The following CDKL5 variants were observed in gnomAD, a reference collection of about 807,000 sequenced individuals.
The protein encoded by CDKL5 is cyclin-dependent kinase-like 5.
A neutral mutation model predicts 61.7 loss-of-function variants in CDKL5; 8 were observed. The observed-to-expected ratio is 0.13, with a 90% CI of 0.08 to 0.23. CDKL5 has a LOEUF of 0.23. CDKL5 is among the 10% of genes least tolerant of loss of function. The pLI is 1.00. For synonymous variants in CDKL5, 275 were observed against 272.3 expected (o/e 1.01, Z -0.10); for missense variants, 440 against 734.5 (o/e 0.60, Z 4.63).
chrX:18,653,037 T>A (rs1236949923), intron 21 of CDKL5, among the ~76,000 whole-genome samples: 2 of 112,410 alleles, frequency 1.8e-5, no homozygotes, highest in East Asian at 5.6e-4. Context: ...TGAATAGTGT[T>A]ATGCATAGAT....
rs570887192 is a variant in CDKL5, at chrX:18,650,521, G to A, written c.2909G>A (p.Arg970Gln). ...GCTCCCTATCCAGTACTCCAGGTCCGAGGCACTTCCATGTGCCCGACACTC... is the reference window on the plus strand; with the variant it reads ...GCTCCCTATCCAGTACTCCAGGTCCAAGGCACTTCCATGTGCCCGACACTC... Residue 970 changes from arginine (R) to glutamine (Q), a missense_variant, in exon 21 of 22, where the codon CGA becomes CAA. Physicochemically the swap from Arg to Gln is conservative, Grantham distance 43. Transcript: ENST00000379989. 46 of 1,210,480 alleles carry A rather than the reference G, an allele frequency of 3.8e-5. No individual in the cohort carries two copies. The highest frequency in any genetic ancestry group is 2.4e-4 in the African/African-American group (14 of 57,391).
At chrX:18,446,357 AAAAAAAC>A (rs1203495567) in intron 1 of CDKL5, among the ~76,000 whole-genome samples, 1 of 107,664 alleles carries the variant, frequency 9.3e-6, no homozygotes, top group African/African-American at 3.5e-5. Flanking sequence ...GTCTCAGAAA[AAAAAAAC>A]AAAAAAACAA....
intron 8 of CDKL5, among the ~76,000 whole-genome samples, chrX:18,585,402 CAAA>C (rs897083034): frequency 2.7e-5 from 3 of 110,408 alleles, no homozygotes; most frequent in African/African-American, 9.9e-5. Context: ...CACACACACA[CAAA>C]AAAACCCCAA....
intron 1 of CDKL5, among the ~76,000 whole-genome samples, chrX:18,481,906 G>A (rs1002559828): frequency 1.2e-4 from 13 of 110,402 alleles, no homozygotes; most frequent in Admixed American, 2.0e-4. Flanking sequence ...GCGAGGGGTG[G>A]CAGGGGATGT....
rs1927377553 is a variant in CDKL5 at position 18,636,106 on chromosome X, A to C, written c.*7349A>C. ...ATAACTTATAGATGAAATATTCCCC[A>C]GTTTTCTTTCTCTTTCTAAACAAAG... is the stretch of plus-strand genomic sequence containing the variant. On this transcript the variant is annotated 3_prime_UTR_variant, in exon 18 of 18. Coordinates refer to ENST00000623535, the MANE Select transcript of CDKL5 (RefSeq NM_001323289.2). The C allele has an allele frequency of 9.0e-6, 1 of 110,774 alleles. No individual in the cohort carries two copies. Among genetic ancestry groups the C allele is most frequent in the Admixed American group, 9.6e-5 (1 of 10,396 alleles). 9.1% of individuals were successfully genotyped at this position (110,774 alleles called of 1,213,427 possible).
chrX:18,457,442 G>C (rs1460096101), intron 1 of CDKL5: 1 of 111,256 alleles, frequency 9.0e-6, no homozygotes, highest in Non-Finnish European at 1.9e-5. Context: ...TCTGTGCGGA[G>C]CTCTATTGTA....
In CDKL5 at chrX:18,636,346, T is replaced by TTATTAG. The variant is rs1927386326; in HGVS notation, c.*7594_*7595insGTATTA. The TTATTAG allele has an allele frequency of 1.1e-5, 1 of 91,427 alleles. No homozygotes were observed. Among genetic ancestry groups the TTATTAG allele is most frequent in the African/African-American group, 4.9e-5 (1 of 20,408 alleles). 7.5% of individuals were successfully genotyped at this position (91,427 alleles called of 1,213,427 possible). A position where few individuals can be genotyped will look rare whatever the true frequency, so the allele number is the denominator to read the frequency against. ...GCCCAAGTGTTTTGCTTTATTATTA[T>TTATTAG]TATTATTATTATTATTATTATTATT... is the stretch of plus-strand genomic sequence containing the variant. On this transcript the variant is annotated 3_prime_UTR_variant, in exon 18 of 18. Transcript: ENST00000623535.
chrX:18,612,664 AAAAAG>A (rs1334436863), intron 14 of CDKL5, among the ~76,000 whole-genome samples: 2 of 107,969 alleles, frequency 1.9e-5, no homozygotes. Context: ...AAAAAAAAAA[AAAAAG>A]AGAGAGAGAA....
chrX:18,628,444 C>T lies in CDKL5; in HGVS notation c.2570C>T (p.Pro857Leu), dbSNP rs1403947122. The change falls in exon 18 of 18, where the codon CCC (proline) becomes CTC (leucine). Residue 857 changes from proline to leucine, a missense_variant. Transcript: ENST00000623535. ...SASNHPASSD[P>L]RFQPLTAQQT... The stretch of plus-strand genomic sequence containing the variant: ...TCAAATCACCCGGCTTCCTCAGATC[C>T]CCGCTTCCAGCCCTTAACAGCTCAA... The T allele has an allele frequency of 4.1e-6, 5 of 1,211,816 alleles. No individual in the cohort carries two copies. The South Asian group carries it at 8.8e-5, about 21-fold the overall frequency.
At chrX:18,577,986 A>G (rs1256776932) in intron 5 of CDKL5, among the ~76,000 whole-genome samples, 1 of 112,479 alleles carries the variant, frequency 8.9e-6, no homozygotes, top group Non-Finnish European at 1.9e-5. Context: ...TTACCACGCT[A>G]TAAAGGTAGG....
In CDKL5 at chrX:18,609,580, C is replaced by T. The variant is rs763466606; in HGVS notation, c.2152+10C>T. 8.3e-7 allele frequency: 1 copy of T among 1,208,197 alleles called. No homozygotes were observed. The highest frequency in any genetic ancestry group is 1.1e-6 in the Non-Finnish European group (1 of 894,849). ...GGTAGCTTTTACAGAGGTAAGCCCACCCCCGGCATTCAACAGGTTCCCCTC... is the reference window on the plus strand; with the variant it reads ...GGTAGCTTTTACAGAGGTAAGCCCATCCCCGGCATTCAACAGGTTCCCCTC... On this transcript the variant is annotated intron_variant, in intron 14 of 17. Coordinates refer to ENST00000623535, the MANE Select transcript of CDKL5 (RefSeq NM_001323289.2).
At chrX:18,480,889 G>A (rs371848115) in intron 1 of CDKL5, among the ~76,000 whole-genome samples, 23 of 92,528 alleles carry the variant, frequency 2.5e-4, no homozygotes, top group African/African-American at 7.8e-4. Context: ...AGGAAGTCTC[G>A]TTCTATCCCC....
rs139045551 is a variant in CDKL5 at position 18,614,574 on chromosome X, G to A, written c.2276+1299G>A. ...AGCACCTAGAATAATGCCTGGCTCCGTAAGCATTCATTAATGTTAGTGACT... is the reference window on the plus strand; with the variant it reads ...AGCACCTAGAATAATGCCTGGCTCCATAAGCATTCATTAATGTTAGTGACT... On this transcript the variant is annotated intron_variant, in intron 15 of 17. Coordinates refer to ENST00000623535, the MANE Select transcript of CDKL5 (RefSeq NM_001323289.2). Among the ~76,000 whole-genome samples the A allele has an allele frequency of 4.5e-3, 506 of 112,227 alleles. 4 individuals are homozygous for A. The highest frequency in any genetic ancestry group is 0.015 in the African/African-American group (460 of 30,929).
At chrX:18,464,091 T>TGTGA (rs1307506317) in intron 1 of CDKL5, among the ~76,000 whole-genome samples, 1 of 110,720 alleles carries the variant, frequency 9.0e-6, no homozygotes, top group African/African-American at 3.3e-5. Context: ...CTGATTTGAA[T>TGTGA]GTGAGTTCAC....
At position 18,629,717 on chromosome X, in the gene CDKL5, A is replaced by G; in HGVS notation, c.*960A>G. On this transcript the variant is annotated 3_prime_UTR_variant, in exon 18 of 18. Transcript: ENST00000623535. ...TCTTTCCAAACCTGCAGGGGAAGAA[A>G]GTCAGATAGGCCAGTGAGAATTCCA... 1 of 754,135 alleles carries G rather than the reference A, an allele frequency of 1.3e-6. No homozygotes were observed. Among genetic ancestry groups the G allele is most frequent in the African/African-American group, 2.3e-5 (1 of 43,789 alleles). 62.1% of individuals were successfully genotyped at this position (754,135 alleles called of 1,213,427 possible).
At chrX:18,486,719 A>T (rs1186105094) in intron 1 of CDKL5, among the ~76,000 whole-genome samples, 1 of 112,071 alleles carries the variant, frequency 8.9e-6, no homozygotes, top group Non-Finnish European at 1.9e-5. Context: ...AAGAGTAGCA[A>T]ATTTATGACA....
chrX:18,628,409 C>G lies in CDKL5; in HGVS notation c.2535C>G (p.Leu845=). ...PLKSLRKLLH[L]SSASNHPASS... ...AATCACTGCGCAAGTTGTTACATCTCTCTTCGGCCTCAAATCACCCGGCTT... is the reference window on the plus strand; with the variant it reads ...AATCACTGCGCAAGTTGTTACATCTGTCTTCGGCCTCAAATCACCCGGCTT... Residue 845 remains leucine, a synonymous_variant, in exon 18 of 18, where the codon CTC becomes CTG. Coordinates refer to ENST00000623535, the MANE Select transcript of CDKL5 (RefSeq NM_001323289.2). The G allele has an allele frequency of 1.7e-6, 2 of 1,211,776 alleles. No homozygotes were observed. The highest frequency in any genetic ancestry group is 2.2e-6 in the Non-Finnish European group (2 of 895,347).
intron 1 of CDKL5, among the ~76,000 whole-genome samples, chrX:18,436,630 T>C (rs1931614169): frequency 1.8e-5 from 2 of 110,695 alleles, no homozygotes; most frequent in African/African-American, 6.6e-5. Context: ...CTGGGCATGG[T>C]GGCTCACACC....
At position 18,629,161 on chromosome X, in the gene CDKL5, T is replaced by A; in HGVS notation, c.*404T>A. ...GTTGACCGATGCCCTTACTACATAT[T>A]TTTTTCTGCCTAGAGTAAATGTGGG... On this transcript the variant is annotated 3_prime_UTR_variant, in exon 18 of 18. Coordinates refer to ENST00000623535, the MANE Select transcript of CDKL5 (RefSeq NM_001323289.2). 5.2e-6 allele frequency: 4 copies of A among 764,582 alleles called. No homozygotes were observed. The highest frequency in any genetic ancestry group is 6.2e-6 in the Non-Finnish European group (4 of 645,600). 63.0% of individuals were successfully genotyped at this position (764,582 alleles called of 1,213,427 possible).
Sources: gnomAD v4.1 joint callset for allele counts (sites outside exome capture counted in the v4.1 genomes callset) on GRCh38, gnomAD v4.1.1 for gene constraint, MANE v1.5 for transcripts, NCBI Gene and HGNC (gene_info 2026-07-23, HGNC 2026-07-21) for gene names.